The following NEGR1 variants were observed in gnomAD, a reference collection of about 807,000 sequenced individuals.
NEGR1 encodes the protein neuronal growth regulator 1.
NEGR1 carries 10 observed loss-of-function variants against 40.9 expected under a neutral mutation model. The ratio of observed to expected loss-of-function variants is 0.24; its 90% CI spans 0.15 to 0.42. The LOEUF is 0.42. Ranked by LOEUF, NEGR1 falls within the 10% of genes least tolerant of loss-of-function variation. The pLI, the probability that NEGR1 is intolerant of heterozygous loss-of-function variation, is 1.00. For synonymous variants in NEGR1, 185 were observed against 166.8 expected, an observed-to-expected ratio of 1.11 and a Z score of -0.84; for missense variants, 352 against 438.9, an observed-to-expected ratio of 0.80 and a Z score of 1.77.
At chr1:71,871,937 T>A (rs1485692951) in intron 2 of NEGR1, among the ~76,000 whole-genome samples, 1 of 152,220 alleles carries the variant, frequency 6.6e-6, no homozygotes, top group Non-Finnish European at 1.5e-5. Context: ...GGAAGTATTA[T>A]TCACAGAGCT....
At chr1:71,985,359 C>T (rs1297696021) in intron 1 of NEGR1, among the ~76,000 whole-genome samples, 1 of 152,156 alleles carries the variant, frequency 6.6e-6, no homozygotes, top group African/African-American at 2.4e-5. Context: ...TTCCCTGTAA[C>T]TCTGTATAAT....
chr1:72,136,531 C>A (rs1650470312), intron 1 of NEGR1, among the ~76,000 whole-genome samples: 1 of 150,588 alleles, frequency 6.6e-6, no homozygotes, highest in Non-Finnish European at 1.5e-5. Context: ...AAAAAAATGA[C>A]TTCCAGAAAT....
At chr1:72,082,707 C>CAAAAA (rs1233737837) in intron 1 of NEGR1, among the ~76,000 whole-genome samples, 1 of 140,912 alleles carries the variant, frequency 7.1e-6, no homozygotes, top group East Asian at 2.2e-4. Flanking sequence ...CAAAACAAAA[C>CAAAAA]AAAAAACAAA....
chr1:71,419,748 C>G (rs1183011462), intron 6 of NEGR1, among the ~76,000 whole-genome samples: 1 of 151,926 alleles, frequency 6.6e-6, no homozygotes, highest in Non-Finnish European at 1.5e-5. Context: ...CCTCTGCAAC[C>G]TTGAAATGTT....
chr1:71,454,628 G>A (rs1646657815), intron 6 of NEGR1, among the ~76,000 whole-genome samples: 1 of 152,138 alleles, frequency 6.6e-6, no homozygotes, highest in African/African-American at 2.4e-5. Context: ...AAACACTCAA[G>A]TGGAAGCATG....
At chr1:71,629,399 C>A (rs1285483146) in intron 4 of NEGR1, among the ~76,000 whole-genome samples, 1 of 152,008 alleles carries the variant, frequency 6.6e-6, no homozygotes, top group Non-Finnish European at 1.5e-5. Flanking sequence ...TTTGTGTCTT[C>A]TCTTATTTCC....
intron 1 of NEGR1, among the ~76,000 whole-genome samples, chr1:72,205,363 G>T (rs1465255305): frequency 6.6e-6 from 1 of 151,752 alleles, no homozygotes; most frequent in African/African-American, 2.4e-5. Flanking sequence ...AGTCAGAGGA[G>T]TAAGGGACTG....
intron 3 of NEGR1, among the ~76,000 whole-genome samples, chr1:71,746,570 T>A (rs568951313): frequency 6.6e-6 from 1 of 152,272 alleles, no homozygotes; most frequent in African/African-American, 2.4e-5. Flanking sequence ...TCTTTTTTTT[T>A]TTCTTGTTAA....
chr1:71,941,896 C>G (rs1272753419), intron 1 of NEGR1, among the ~76,000 whole-genome samples: 1 of 151,876 alleles, frequency 6.6e-6, no homozygotes, highest in Non-Finnish European at 1.5e-5. Context: ...TGAGATGCAT[C>G]TGTTAGTTAA....
At chr1:71,986,854 T>A (rs1376711961) in intron 1 of NEGR1, among the ~76,000 whole-genome samples, 1 of 152,198 alleles carries the variant, frequency 6.6e-6, no homozygotes, top group Non-Finnish European at 1.5e-5. Context: ...TCTGTCCCTT[T>A]TCCCCAGTAC....
intron 2 of NEGR1, among the ~76,000 whole-genome samples, chr1:71,923,385 TCA>T (rs986981453): frequency 2.4e-4 from 36 of 149,762 alleles, no homozygotes; most frequent in Admixed American, 7.4e-4. Flanking sequence ...TCTCTCTCTC[TCA>T]CACACACACA....
intron 1 of NEGR1, among the ~76,000 whole-genome samples, chr1:72,172,458 C>A (rs1651997819): frequency 6.6e-6 from 1 of 152,060 alleles, no homozygotes; most frequent in Admixed American, 6.6e-5. Context: ...ACATGATTGT[C>A]TTCTCCATAA....
chr1:71,968,418 A>T (rs968168342), intron 1 of NEGR1, among the ~76,000 whole-genome samples: 1 of 152,076 alleles, frequency 6.6e-6, no homozygotes, highest in Non-Finnish European at 1.5e-5. Flanking sequence ...CTATTTGTTA[A>T]TTTTTTCAAA....
chr1:71,999,683 A>C (rs1646540426), intron 1 of NEGR1, among the ~76,000 whole-genome samples: 1 of 91,514 alleles, frequency 1.1e-5, no homozygotes, highest in South Asian at 3.3e-4. Flanking sequence ...ATATATACAT[A>C]CATATTTTTG....
At chr1:72,279,084 C>A (rs940782796) in intron 1 of NEGR1, among the ~76,000 whole-genome samples, 12 of 151,986 alleles carry the variant, frequency 7.9e-5, no homozygotes, top group Middle Eastern at 3.4e-3. Flanking sequence ...GCTTCACTAA[C>A]CCTAAAAGAC....
chr1:72,215,880 A>C (rs977957839), intron 1 of NEGR1, among the ~76,000 whole-genome samples: 6 of 152,064 alleles, frequency 3.9e-5, no homozygotes, highest in African/African-American at 1.4e-4. Context: ...AAGTATTATA[A>C]ATCATTGTAC....
intron 6 of NEGR1, among the ~76,000 whole-genome samples, chr1:71,454,435 A>G (rs1405423457): frequency 1.3e-5 from 2 of 151,888 alleles, no homozygotes; most frequent in African/African-American, 2.4e-5. Flanking sequence ...AATTACCTCT[A>G]CTGTGACATT....
chr1:72,203,333 G>A (rs1653280945), intron 1 of NEGR1, among the ~76,000 whole-genome samples: 1 of 152,144 alleles, frequency 6.6e-6, no homozygotes, highest in African/African-American at 2.4e-5. Flanking sequence ...AACTCTTATG[G>A]GTGACTTTGA....
chr1:71,784,784 C>T (rs975957004), intron 2 of NEGR1, among the ~76,000 whole-genome samples: 8 of 152,172 alleles, frequency 5.3e-5, no homozygotes, highest in Non-Finnish European at 8.8e-5. Flanking sequence ...TACACTTACA[C>T]ATGAAACACA....
Sources: gnomAD v4.1 joint callset for allele counts (sites outside exome capture counted in the v4.1 genomes callset) on GRCh38, gnomAD v4.1.1 for gene constraint, MANE v1.5 for transcripts, NCBI Gene and HGNC (gene_info 2026-07-23, HGNC 2026-07-21) for gene names.